BBX: variants seen among roughly 807,000 people sequenced by gnomAD.
BBX encodes the protein HMG box transcription factor BBX.
Under a neutral mutation model 100.2 loss-of-function variants are expected in BBX, and 30 were observed. That is an observed-to-expected ratio of 0.30 (90% CI 0.22 to 0.41). The LOEUF (loss-of-function observed/expected upper bound fraction) is 0.41, where lower values mean the gene tolerates loss of function less well. Ranked by LOEUF, BBX falls within the 10% of genes least tolerant of loss-of-function variation. BBX has a pLI of 1.00. For missense variants in BBX, 1,023 were observed against 1,129.8 expected, an observed-to-expected ratio of 0.91 and a Z score of 1.35; for synonymous variants, 376 against 388.1, an observed-to-expected ratio of 0.97 and a Z score of 0.37.
At chr3:107,768,528 C>T (rs1333863454) in intron 10 of BBX, among the ~76,000 whole-genome samples, 2 of 152,114 alleles carry the variant, frequency 1.3e-5, no homozygotes, top group South Asian at 2.1e-4. Flanking sequence ...ACATGAAAAG[C>T]AGCTTTATTT....
intron 2 of BBX, among the ~76,000 whole-genome samples, chr3:107,589,210 C>T (rs2107584293): frequency 6.6e-6 from 1 of 152,298 alleles, no homozygotes; most frequent in East Asian, 1.9e-4. Context: ...GTTATTTACA[C>T]TTAGTGAGTA....
chr3:107,598,988 G>A (rs1416908759), intron 2 of BBX, among the ~76,000 whole-genome samples: 2 of 152,116 alleles, frequency 1.3e-5, no homozygotes, highest in Non-Finnish European at 2.9e-5. Flanking sequence ...TGACCCTGGG[G>A]GAGGAAGGGG....
chr3:107,559,902 C>G (rs982371339), intron 2 of BBX, among the ~76,000 whole-genome samples: 1 of 152,080 alleles, frequency 6.6e-6, no homozygotes, highest in Non-Finnish European at 1.5e-5. Context: ...ACAACACATG[C>G]CTGCCTTATG....
intron 12 of BBX, among the ~76,000 whole-genome samples, chr3:107,775,554 T>C (rs2067257639): frequency 6.6e-6 from 1 of 152,158 alleles, no homozygotes; most frequent in Non-Finnish European, 1.5e-5. Flanking sequence ...GTTAGACTAT[T>C]TTGAAAATTC....
intron 2 of BBX, among the ~76,000 whole-genome samples, chr3:107,637,464 C>T (rs1366092008): frequency 2.0e-5 from 3 of 152,302 alleles, no homozygotes; most frequent in Admixed American, 6.5e-5. Context: ...GCAGATCAAA[C>T]GGATTGATCA....
At position 107,669,923 on chromosome 3, in the gene BBX, A is replaced by G. The variant is rs563295050; in HGVS notation, c.-10+24014A>G. 1.9e-4 allele frequency among the ~76,000 whole-genome samples: 29 copies of G among 152,322 alleles called. 1 individual carries two copies. In the East Asian group the frequency reaches 3.5e-3, roughly 18 times the overall value. On this transcript the variant is annotated intron_variant, in intron 3 of 17. Coordinates refer to ENST00000325805, the MANE Select transcript of BBX (RefSeq NM_001142568.3). The stretch of plus-strand genomic sequence containing the variant: ...AACACCCCTGCTCTGACTCATGAGC[A>G]TGGAAATGGAAAACAGATAAACTTT...
At chr3:107,717,434 G>C (rs947599273) in intron 5 of BBX, among the ~76,000 whole-genome samples, 3 of 151,858 alleles carry the variant, frequency 2.0e-5, no homozygotes, top group African/African-American at 7.3e-5. Context: ...ACAAAGATTT[G>C]TATCTTTTCT....
chr3:107,591,106 C>A (rs2053272501), intron 2 of BBX, among the ~76,000 whole-genome samples: 1 of 152,158 alleles, frequency 6.6e-6, no homozygotes, highest in African/African-American at 2.4e-5. Flanking sequence ...GATTTTTTTC[C>A]CCCCAGTCTT....
chr3:107,603,254 G>C (rs998515642), intron 2 of BBX, among the ~76,000 whole-genome samples: 2 of 152,068 alleles, frequency 1.3e-5, no homozygotes, highest in African/African-American at 4.8e-5. Flanking sequence ...GTGAGCCACT[G>C]TGCCCAGCCT....
At chr3:107,544,732 A>G (rs897926057) in intron 2 of BBX, among the ~76,000 whole-genome samples, 3 of 151,146 alleles carry the variant, frequency 2.0e-5, no homozygotes, top group Admixed American at 6.6e-5. Flanking sequence ...TTGACTGGGC[A>G]TGGTGGCTCA....
intron 2 of BBX, among the ~76,000 whole-genome samples, chr3:107,597,887 A>G (rs778710049): frequency 9.2e-5 from 14 of 152,072 alleles, no homozygotes; most frequent in Non-Finnish European, 1.3e-4. Flanking sequence ...ACCCCAAGCA[A>G]TGCCCCAGAG....
At chr3:107,759,811 T>C (rs2065755567) in intron 10 of BBX, among the ~76,000 whole-genome samples, 1 of 152,190 alleles carries the variant, frequency 6.6e-6, no homozygotes, top group Non-Finnish European at 1.5e-5. Flanking sequence ...CAGAGTATTT[T>C]AAAGTGTGAC....
intron 3 of BBX, among the ~76,000 whole-genome samples, chr3:107,690,892 CTTTTTTTTTTTT>C (rs66523709): frequency 4.9e-5 from 2 of 41,190 alleles, no homozygotes; most frequent in African/African-American, 2.1e-4. Flanking sequence ...GCCCCCCCCC[CTTTTTTTTTTTT>C]TTTTTTTTTT....
chr3:107,604,721 C>G (rs1442903300), intron 2 of BBX, among the ~76,000 whole-genome samples: 1 of 152,022 alleles, frequency 6.6e-6, no homozygotes, highest in Admixed American at 6.6e-5. Flanking sequence ...CCTCTCCTTC[C>G]CCATGCTTAC....
At chr3:107,694,714 T>G (rs896809225) in intron 3 of BBX, among the ~76,000 whole-genome samples, 2 of 151,448 alleles carry the variant, frequency 1.3e-5, no homozygotes, top group Admixed American at 6.6e-5. Context: ...CCTCATAAAA[T>G]GAGTTAGGGA....
intron 2 of BBX, among the ~76,000 whole-genome samples, chr3:107,642,715 T>C (rs76136299): frequency 0.082 from 12,445 of 152,280 alleles, 710 homozygotes; most frequent in Admixed American, 0.12. Flanking sequence ...CTTATTTCCT[T>C]TTTCTAGCAG....
At chr3:107,582,084 T>C in intron 2 of BBX, among the ~76,000 whole-genome samples, 1 of 152,068 alleles carries the variant, frequency 6.6e-6, no homozygotes, top group Non-Finnish European at 1.5e-5. Context: ...TCTTCTTAGC[T>C]TGCTAGGGCA....
chr3:107,666,177 G>T (rs1010455934), intron 3 of BBX, among the ~76,000 whole-genome samples: 1 of 152,196 alleles, frequency 6.6e-6, no homozygotes, highest in Non-Finnish European at 1.5e-5. Context: ...ACAATGGGAA[G>T]GGGAACCAAC....
chr3:107,679,205 T>C (rs983632139), intron 3 of BBX, among the ~76,000 whole-genome samples: 1 of 151,986 alleles, frequency 6.6e-6, no homozygotes, highest in Non-Finnish European at 1.5e-5. Flanking sequence ...CATTTTCTTA[T>C]TGAATATAAG....
Sources: allele counts gnomAD v4.1 joint callset (sites outside exome capture counted in the v4.1 genomes callset), GRCh38; gene constraint gnomAD v4.1.1; transcripts MANE v1.5; gene names NCBI Gene and HGNC (gene_info 2026-07-23, HGNC 2026-07-21).